ASIC1: variants seen among roughly 807,000 people sequenced by gnomAD.
ASIC1 encodes the protein acid-sensing ion channel 1.
In ASIC1, 21 loss-of-function variants were observed where a neutral mutation model predicts 63.4. The observed-to-expected ratio is 0.33, with a 90% CI of 0.23 to 0.48. The LOEUF (loss-of-function observed/expected upper bound fraction) is 0.48. Ranked by LOEUF, ASIC1 falls within the 20% of genes least tolerant of loss-of-function variation. The pLI is 0.99. For synonymous variants in ASIC1, 258 were observed against 278.2 expected (o/e 0.93, Z 0.72); for missense variants, 478 against 695.5 (o/e 0.69, Z 3.52).
intron 3 of ASIC1, among the ~76,000 whole-genome samples, chr12:50,066,308 C>T (rs942272530): frequency 6.6e-6 from 1 of 152,064 alleles, no homozygotes; most frequent in Non-Finnish European, 1.5e-5. Flanking sequence ...TGGGAAATGA[C>T]AGAGTGGGAC....
chr12:50,069,071 A>T (rs1269468828), intron 3 of ASIC1, among the ~76,000 whole-genome samples: 1 of 151,766 alleles, frequency 6.6e-6, no homozygotes, highest in African/African-American at 2.4e-5. Context: ...CCCTGCCTTT[A>T]CCCACCTCTC....
intron 3 of ASIC1, among the ~76,000 whole-genome samples, chr12:50,071,528 C>T (rs1950599631): frequency 6.6e-6 from 1 of 152,028 alleles, no homozygotes; most frequent in Admixed American, 6.5e-5. Flanking sequence ...TTGATCTGTC[C>T]ACCTCGACCT....
At position 50,078,801 on chromosome 12, in the gene ASIC1, G is replaced by A; in HGVS notation, c.995-123G>A. On this transcript the variant is annotated intron_variant, in intron 6 of 11. Transcript: ENST00000447966. The surrounding 1 kb of genome is among the most constrained non-coding windows in gnomAD (Gnocchi z 6.0). Reference sequence around the variant, plus strand: ...GAGTGGGTCACTTCTGGGGCAGCATGGGGGCCTGCCAGTCCTCCCTTCCCA... The same window carrying A: ...GAGTGGGTCACTTCTGGGGCAGCATAGGGGCCTGCCAGTCCTCCCTTCCCA... 7 of 1,342,940 alleles carry A rather than the reference G, an allele frequency of 5.2e-6. No homozygotes were observed. The highest frequency in any genetic ancestry group is 7.5e-6 in the Non-Finnish European group (7 of 938,664). The allele number at this position is 1,342,940 out of a possible 1,614,324, so 83.2% of individuals were successfully genotyped here. A position where few individuals can be genotyped will look rare whatever the true frequency, so the allele number is the denominator to read the frequency against.
chr12:50,082,095 T>C lies in ASIC1; in HGVS notation c.*446T>C. On this transcript the variant is annotated 3_prime_UTR_variant, in exon 12 of 12. Transcript: ENST00000447966. ...AATGTACCTTAAGGGGGAGGGCTAGTGTGGGGGAGGGAGGCTTCCCCAGCC... is the reference window on the plus strand; with the variant it reads ...AATGTACCTTAAGGGGGAGGGCTAGCGTGGGGGAGGGAGGCTTCCCCAGCC... The C allele has an allele frequency of 5.9e-6, 1 of 169,374 alleles. No homozygotes were observed. Among genetic ancestry groups the C allele is most frequent in the Non-Finnish European group, 1.3e-5 (1 of 78,820 alleles). 10.5% of individuals were successfully genotyped at this position (169,374 alleles called of 1,614,324 possible).
chr12:50,071,623 C>T (rs748352858), intron 3 of ASIC1, among the ~76,000 whole-genome samples: 3 of 151,714 alleles, frequency 2.0e-5, no homozygotes, highest in Non-Finnish European at 4.4e-5. Flanking sequence ...CTAAATTTTG[C>T]CAGGAGGCAG....
chr12:50,068,903 G>A (rs1950571350), intron 3 of ASIC1, among the ~76,000 whole-genome samples: 1 of 152,126 alleles, frequency 6.6e-6, no homozygotes, highest in African/African-American at 2.4e-5. Context: ...TCCTCGACAG[G>A]CCTTCCAGCA....
intron 3 of ASIC1, chr12:50,076,719 G>T (rs992790491): frequency 2.1e-5 from 6 of 282,172 alleles, no homozygotes; most frequent in Non-Finnish European, 4.2e-5. Flanking sequence ...CTGGGGGCAG[G>T]GTTAAGGAAA....
chr12:50,070,210 C>G (rs1592272031), intron 3 of ASIC1, among the ~76,000 whole-genome samples: 1 of 152,184 alleles, frequency 6.6e-6, no homozygotes, highest in East Asian at 1.9e-4. Context: ...TTGGGCACCT[C>G]TCCAGGGGCC....
intron 8 of ASIC1, 83 bp downstream of exon 8, chr12:50,080,138 G>T: frequency 6.6e-7 from 1 of 1,510,128 alleles, no homozygotes; most frequent in Non-Finnish European, 8.9e-7. Context: ...GGCGGGGGCT[G>T]GCAGGCAGGG....
chr12:50,080,260 T>G, intron 8 of ASIC1: 8 of 776,550 alleles, frequency 1.0e-5, no homozygotes, highest in Non-Finnish European at 1.4e-5. Context: ...CTCCTCCTTC[T>G]TCATCCTCAT....
At chr12:50,076,762 T>A (rs985302884) in intron 3 of ASIC1, 20 of 352,276 alleles carry the variant, frequency 5.7e-5, no homozygotes, top group South Asian at 8.7e-5. Context: ...TGAGCAGTAC[T>A]AGGAAATCGT....
At position 50,057,743 on chromosome 12, in the gene ASIC1, G is replaced by C. The variant is rs998186907; in HGVS notation, c.-190G>C. ...GCGCGCGCGGGCGGGCGGACAGATC[G>C]GAGCCGAGCGGGGCCGGGCGGGGCG... On this transcript the variant is annotated 5_prime_UTR_variant, in exon 1 of 12. Transcript: ENST00000447966. This position sits in a 1 kb window ranked among gnomAD's most constrained non-coding sequence, Gnocchi z 4.7. 1.4e-4 allele frequency: 21 copies of C among 150,770 alleles called. No individual in the cohort carries two copies. Among genetic ancestry groups the C allele is most frequent in the African/African-American group, 3.6e-4 (15 of 41,226 alleles). The allele number at this position is 150,770 out of a possible 1,614,324, so 9.3% of individuals were successfully genotyped here. A position where few individuals can be genotyped will look rare whatever the true frequency, so the allele number is the denominator to read the frequency against.
At chr12:50,080,209 C>T (rs529931962) in intron 8 of ASIC1, among the ~76,000 whole-genome samples, 154 bp downstream of exon 8, 18 of 152,236 alleles carry the variant, frequency 1.2e-4, no homozygotes, top group African/African-American at 4.3e-4. Context: ...GGTGGGTATG[C>T]AGGGAAGATC....
chr12:50,073,800 C>T, intron 3 of ASIC1: 1 of 1,535,164 alleles, frequency 6.5e-7, no homozygotes, highest in Non-Finnish European at 8.7e-7. Flanking sequence ...ACAGCTGCAC[C>T]CTCCATGGCA....
Position 50,078,800 on chromosome 12 carries a change from T to C in ASIC1, c.995-124T>C. The C allele has an allele frequency of 2.2e-6, 3 of 1,346,728 alleles. No homozygotes were observed. Among genetic ancestry groups the C allele is most frequent in the Admixed American group, 1.7e-5 (1 of 59,298 alleles). The allele number at this position is 1,346,728 out of a possible 1,614,324, so 83.4% of individuals were successfully genotyped here. A position where few individuals can be genotyped will look rare whatever the true frequency, so the allele number is the denominator to read the frequency against. On this transcript the variant is annotated intron_variant, in intron 6 of 11. Coordinates refer to ENST00000447966, the MANE Select transcript of ASIC1 (RefSeq NM_001095.4). The surrounding 1 kb of genome is among the most constrained non-coding windows in gnomAD (Gnocchi z 6.0). ...GGAGTGGGTCACTTCTGGGGCAGCATGGGGGCCTGCCAGTCCTCCCTTCCC... is the reference window on the plus strand; with the variant it reads ...GGAGTGGGTCACTTCTGGGGCAGCACGGGGGCCTGCCAGTCCTCCCTTCCC...
rs1950474556 is a variant in ASIC1, at chr12:50,059,000, C to T, written c.234C>T (p.Asp78=). 6.2e-7 allele frequency: 1 copy of T among 1,614,222 alleles called. No homozygotes were observed. ...YFHYHHVTKL[D]EVAASQLTFP... ...ACTACCACCATGTCACCAAGCTCGA[C>T]GAGGTGGCTGCCTCTCAGCTTACCT... The change falls in exon 2 of 12, where the codon GAC becomes GAT. Residue 78 remains aspartate (D), a synonymous_variant. Coordinates refer to ENST00000447966, the MANE Select transcript of ASIC1 (RefSeq NM_001095.4).
At position 50,059,102 on chromosome 12, in the gene ASIC1, G is replaced by A. The variant is rs796514665; in HGVS notation, c.336G>A (p.Gly112=). 4.3e-6 allele frequency: 7 copies of A among 1,613,890 alleles called. No individual in the cohort carries two copies. In the African/African-American group the frequency reaches 8.0e-5, roughly 18 times the overall value. ...CCAAGAATGACCTGTATCATGCTGG[G>A]GAGCTGCTGGCCCTGCTCAACAACA... ...QVSKNDLYHA[G]ELLALLNNRY... Residue 112 remains glycine (G), a synonymous_variant, in exon 2 of 12, where the codon GGG becomes GGA. Coordinates refer to ENST00000447966, the MANE Select transcript of ASIC1 (RefSeq NM_001095.4). The surrounding 1 kb of genome is among the most constrained non-coding windows in gnomAD (Gnocchi z 4.6).
In ASIC1 at chr12:50,078,171, G is replaced by A. The variant is rs372745448; in HGVS notation, c.837+44G>A. On this transcript the variant is annotated intron_variant, in intron 5 of 11. Coordinates refer to ENST00000447966, the MANE Select transcript of ASIC1 (RefSeq NM_001095.4). This position sits in a 1 kb window ranked among gnomAD's most constrained non-coding sequence, Gnocchi z 6.0. Reference sequence around the variant, plus strand: ...GCTGGTCCTGGGGTGGGGTATTGAGGGGTCCAGATGGAGTGGTGGGCAATC... The same window carrying A: ...GCTGGTCCTGGGGTGGGGTATTGAGAGGTCCAGATGGAGTGGTGGGCAATC... 3.8e-6 allele frequency: 6 copies of A among 1,585,464 alleles called. No homozygotes were observed. In the African/African-American group the frequency reaches 8.1e-5, roughly 21 times the overall value.
chr12:50,070,423 G>A (rs1284418491), intron 3 of ASIC1, among the ~76,000 whole-genome samples: 2 of 151,780 alleles, frequency 1.3e-5, no homozygotes, highest in Non-Finnish European at 2.9e-5. Context: ...TGTGTGTGTT[G>A]GGGTGTGTGT....
Sources: allele counts gnomAD v4.1 joint callset (sites outside exome capture counted in the v4.1 genomes callset), GRCh38; gene constraint gnomAD v4.1.1; non-coding constraint Gnocchi (gnomAD v3.1); transcripts MANE v1.5; gene names NCBI Gene and HGNC (gene_info 2026-07-23, HGNC 2026-07-21).